The following BABAM2 variants were observed in gnomAD, a reference collection of about 807,000 sequenced individuals.
The protein encoded by BABAM2 is BRISC and BRCA1 A complex member 2.
Under a neutral mutation model 54.7 loss-of-function variants are expected in BABAM2, and 31 were observed. The observed-to-expected ratio is 0.57, with a 90% CI of 0.43 to 0.77. The LOEUF (loss-of-function observed/expected upper bound fraction) is 0.77, where lower values mean the gene tolerates loss of function less well. BABAM2 is among the 30% of genes least tolerant of loss of function. The pLI is 0.00. For missense variants in BABAM2, 364 were observed against 455.8 expected, an observed-to-expected ratio of 0.80 and a Z score of 1.83; for synonymous variants, 167 against 162.9, an observed-to-expected ratio of 1.03 and a Z score of -0.19.
chr2:28,008,142 G>A (rs184742409), intron 4 of BABAM2, among the ~76,000 whole-genome samples: 1 of 152,122 alleles, frequency 6.6e-6, no homozygotes, highest in African/African-American at 2.4e-5. Context: ...GTGATATGAA[G>A]TAACTGTATT....
At chr2:28,260,657 C>T (rs1475884563) in intron 10 of BABAM2, among the ~76,000 whole-genome samples, 1 of 152,120 alleles carries the variant, frequency 6.6e-6, no homozygotes, top group East Asian at 1.9e-4. Context: ...TTGCCTTTCC[C>T]TGTGCGTTCT....
intron 3 of BABAM2, among the ~76,000 whole-genome samples, chr2:27,987,404 A>G (rs1672475141): frequency 6.6e-6 from 1 of 152,226 alleles, no homozygotes; most frequent in Non-Finnish European, 1.5e-5. Context: ...TTACCTGTAA[A>G]AATAATCAGT....
intron 10 of BABAM2, among the ~76,000 whole-genome samples, chr2:28,257,627 T>C (rs1684081844): frequency 6.6e-6 from 1 of 152,204 alleles, no homozygotes; most frequent in Non-Finnish European, 1.5e-5. Context: ...CTCAGGCCTG[T>C]AATCCCAGTG....
intron 4 of BABAM2, among the ~76,000 whole-genome samples, chr2:28,009,634 T>C (rs879368732): frequency 2.0e-5 from 3 of 152,156 alleles, no homozygotes; most frequent in Non-Finnish European, 2.9e-5. Flanking sequence ...TTATTTAAGT[T>C]TACTTTGAGA....
intron 7 of BABAM2, among the ~76,000 whole-genome samples, chr2:28,223,989 C>T (rs758363755): frequency 5.9e-5 from 9 of 152,152 alleles, no homozygotes; most frequent in Non-Finnish European, 1.3e-4. Flanking sequence ...CTTTGGTGTT[C>T]AGGGACAGAT....
upstream of BABAM2, chr2:27,890,087 T>G (rs892393970): frequency 1.7e-6 from 1 of 596,420 alleles, no homozygotes; most frequent in Middle Eastern, 3.1e-4. The surrounding 1 kb of genome is among the most constrained non-coding windows in gnomAD (Gnocchi z 4.8). Flanking sequence ...TATACTCAAG[T>G]TCTTTCATGC....
intron 4 of BABAM2, among the ~76,000 whole-genome samples, chr2:28,006,414 T>C (rs866275324): frequency 2.0e-5 from 3 of 152,130 alleles, no homozygotes; most frequent in African/African-American, 7.2e-5. Flanking sequence ...TCTTTAGATT[T>C]TATTTAGATA....
Position 27,995,084 on chromosome 2 carries a change from A to G in BABAM2, c.300+6997A>G, listed in dbSNP as rs991734076. Among the ~76,000 whole-genome samples, 2 of 152,182 alleles carry G rather than the reference A, an allele frequency of 1.3e-5. No individual in the cohort carries two copies. Among genetic ancestry groups the G allele is most frequent in the African/African-American group, 4.8e-5 (2 of 41,462 alleles). ...ACCCTTTCCCCCATCACACCCCGTC[A>G]CAGCTGAGATTCCTACCTCCTTGTT... On this transcript the variant is annotated intron_variant, in intron 4 of 11. Coordinates refer to ENST00000379624, the MANE Select transcript of BABAM2 (RefSeq NM_199191.3). This position sits in a 1 kb window ranked among gnomAD's most constrained non-coding sequence, Gnocchi z 4.1.
At chr2:28,007,240 A>G (rs968157390) in intron 4 of BABAM2, among the ~76,000 whole-genome samples, 6 of 152,088 alleles carry the variant, frequency 3.9e-5, no homozygotes, top group Non-Finnish European at 8.8e-5. Context: ...AGGAACTACT[A>G]TGGATGCATA....
intron 3 of BABAM2, among the ~76,000 whole-genome samples, chr2:27,975,092 A>G (rs1671492971): frequency 6.6e-6 from 1 of 152,100 alleles, no homozygotes; most frequent in African/African-American, 2.4e-5. Flanking sequence ...ACAGAGATAT[A>G]TAATATATTC....
chr2:28,325,218 TTCCC>T lies in BABAM2; in HGVS notation c.1089-13222_1089-13219del, dbSNP rs776870567. On this transcript the variant is annotated intron_variant, in intron 11 of 11. Transcript: ENST00000379624. The surrounding 1 kb of genome is among the most constrained non-coding windows in gnomAD (Gnocchi z 4.3). ...CGTTGCATATATGCCCTTCCTTTCC[TTCCC>T]TCCCTCCCTTTCTGTAACGGAAGCC... Among the ~76,000 whole-genome samples, 3 of 152,206 alleles carry T rather than the reference TTCCC, an allele frequency of 2.0e-5. No homozygotes were observed. The highest frequency in any genetic ancestry group is 2.4e-5 in the African/African-American group (1 of 41,460).
chr2:28,184,803 A>G (rs899479782), intron 7 of BABAM2, among the ~76,000 whole-genome samples: 1 of 152,218 alleles, frequency 6.6e-6, no homozygotes, highest in Non-Finnish European at 1.5e-5. Flanking sequence ...GTGTCTTTAT[A>G]GCAGCATGAT....
intron 6 of BABAM2, among the ~76,000 whole-genome samples, chr2:28,098,641 G>A (rs1666818995): frequency 6.6e-6 from 1 of 152,172 alleles, no homozygotes; most frequent in Non-Finnish European, 1.5e-5. Context: ...CTCCATGAAA[G>A]TCGCAGCCAG....
chr2:28,162,330 T>C (rs2147816272), intron 7 of BABAM2, among the ~76,000 whole-genome samples: 1 of 152,122 alleles, frequency 6.6e-6, no homozygotes, highest in East Asian at 1.9e-4. Context: ...TAAGTAACGG[T>C]TAAAGTAGAG....
intron 7 of BABAM2, among the ~76,000 whole-genome samples, chr2:28,130,770 C>T (rs922415646): frequency 6.6e-6 from 1 of 151,918 alleles, no homozygotes; most frequent in Non-Finnish European, 1.5e-5. Flanking sequence ...GACAGAGTCT[C>T]ACTCTGTCAT....
chr2:27,964,384 A>G (rs1030811545), intron 3 of BABAM2, among the ~76,000 whole-genome samples: 5 of 152,264 alleles, frequency 3.3e-5, no homozygotes, highest in Non-Finnish European at 7.3e-5. Flanking sequence ...AGATGAAGAC[A>G]TCCATTATTT....
At chr2:28,289,739 C>T (rs1276898141) in intron 10 of BABAM2, among the ~76,000 whole-genome samples, 2 of 151,920 alleles carry the variant, frequency 1.3e-5, no homozygotes, top group Non-Finnish European at 2.9e-5. Flanking sequence ...TGCAGTGAGC[C>T]GAGATCACGC....
chr2:28,335,698 G>A lies in BABAM2; in HGVS notation c.1089-2752G>A, dbSNP rs192696310. On this transcript the variant is annotated intron_variant, in intron 11 of 11. Coordinates refer to ENST00000379624, the MANE Select transcript of BABAM2 (RefSeq NM_199191.3). ...CAGAAGAAGCACGGACAGTGTGCAGGGAGATGACCTCCTGGGGACCAGGGG... is the reference window on the plus strand; with the variant it reads ...CAGAAGAAGCACGGACAGTGTGCAGAGAGATGACCTCCTGGGGACCAGGGG... Among the ~76,000 whole-genome samples the A allele has an allele frequency of 4.8e-3, 727 of 152,354 alleles. 4 individuals are homozygous for A. Among genetic ancestry groups the A allele is most frequent in the South Asian group, 0.028 (134 of 4,834 alleles).
At position 28,244,798 on chromosome 2, in the gene BABAM2, T is replaced by G. The variant is rs1211726218; in HGVS notation, c.870T>G (p.Asp290Glu). The change falls in exon 10 of 12, where the codon GAT (aspartate) becomes GAG (glutamate). Residue 290 changes from aspartate to glutamate, a missense_variant. By Grantham distance (45) the Asp-to-Glu change is conservative. Coordinates refer to ENST00000379624, the MANE Select transcript of BABAM2 (RefSeq NM_199191.3). ...SHFGTGVVEY[D>E]AEGFTKLTLL... ...TACTTAGAGGTGTCGTGGAATATGA[T>G]GCAGAAGGCTTTACAAAACTCACTC... is the stretch of plus-strand genomic sequence containing the variant. 30 of 1,613,936 alleles carry G rather than the reference T, an allele frequency of 1.9e-5. 1 individual carries two copies. The highest frequency in any genetic ancestry group is 2.5e-5 in the Non-Finnish European group (30 of 1,179,994).
Sources: gnomAD v4.1 joint callset for allele counts (sites outside exome capture counted in the v4.1 genomes callset) on GRCh38, gnomAD v4.1.1 for gene constraint, Gnocchi (gnomAD v3.1) non-coding constraint, MANE v1.5 for transcripts, NCBI Gene and HGNC (gene_info 2026-07-23, HGNC 2026-07-21) for gene names.